DEUP1: variants seen among roughly 807,000 people sequenced by gnomAD.
The protein encoded by DEUP1 is coiled-coil domain containing 67.
In DEUP1, 82 loss-of-function variants were observed where a neutral mutation model predicts 87.4. The ratio of observed to expected loss-of-function variants is 0.94; its 90% CI spans 0.78 to 1.13. The LOEUF is 1.13. DEUP1 is among the 50% of genes most tolerant of loss of function. The pLI, the probability that DEUP1 is intolerant of heterozygous loss-of-function variation, is 0.00. For synonymous variants in DEUP1, 214 were observed against 222.7 expected, an observed-to-expected ratio of 0.96 and a Z score of 0.35; for missense variants, 663 against 681.5, an observed-to-expected ratio of 0.97 and a Z score of 0.30.
intron 13 of DEUP1, among the ~76,000 whole-genome samples, chr11:93,427,815 G>T (rs1019592018): frequency 7.1e-6 from 1 of 140,934 alleles, no homozygotes. Flanking sequence ...AGTCGGCGAA[G>T]GTCATGAACA....
At position 93,415,056 on chromosome 11, in the gene DEUP1, C is replaced by T. The variant is rs773934438; in HGVS notation, c.1580C>T (p.Thr527Ile). The change falls in exon 13 of 14, where the codon ACA becomes ATA. Residue 527 changes from threonine to isoleucine, a missense_variant. Transcript: ENST00000298050. Reference sequence around the variant, plus strand: ...ACAATGCCTCCCTTGCCACCTTCGACATTTCAAGCCAAAGAAATGACAAGT... The same window carrying T: ...ACAATGCCTCCCTTGCCACCTTCGATATTTCAAGCCAAAGAAATGACAAGT... The part of the protein sequence containing the change: ...RSTMPPLPPS[T>I]FQAKEMTSPL... 14 of 1,608,956 alleles carry T rather than the reference C, an allele frequency of 8.7e-6. No homozygotes were observed. Among genetic ancestry groups the T allele is most frequent in the Admixed American group, 3.4e-5 (2 of 59,242 alleles).
intron 7 of DEUP1, among the ~76,000 whole-genome samples, chr11:93,374,909 G>A (rs1352427074): frequency 6.6e-6 from 1 of 151,990 alleles, no homozygotes; most frequent in Non-Finnish European, 1.5e-5. Context: ...CCATCCATGA[G>A]CATGGGATGT....
In DEUP1 at chr11:93,416,633, T is replaced by C. The variant is rs916045795; in HGVS notation, c.1638+1519T>C. 8.6e-5 allele frequency among the ~76,000 whole-genome samples: 13 copies of C among 151,928 alleles called. No individual in the cohort carries two copies. The East Asian group carries it at 1.7e-3, about 20-fold the overall frequency. ...GAACTGGTACCATTCCTTCTGAAAC[T>C]ATTCCAATCAATAGAAAAAGAGGGA... On this transcript the variant is annotated intron_variant, in intron 13 of 13. Coordinates refer to ENST00000298050, the MANE Select transcript of DEUP1 (RefSeq NM_181645.4).
chr11:93,414,516 T>C (rs575711560), intron 12 of DEUP1, among the ~76,000 whole-genome samples: 1 of 151,632 alleles, frequency 6.6e-6, no homozygotes, highest in East Asian at 1.9e-4. Flanking sequence ...CAAAATAAAT[T>C]AATAAATAAA....
At chr11:93,391,599 T>A (rs1204578945) in intron 9 of DEUP1, among the ~76,000 whole-genome samples, 1 of 150,722 alleles carries the variant, frequency 6.6e-6, no homozygotes, top group Non-Finnish European at 1.5e-5. Context: ...TCCCAGCTAC[T>A]CGGGAGGCTG....
intron 13 of DEUP1, among the ~76,000 whole-genome samples, chr11:93,435,389 C>T (rs1948213269): frequency 6.6e-6 from 1 of 152,190 alleles, no homozygotes; most frequent in Admixed American, 6.5e-5. Context: ...TAGCCAAAGA[C>T]AAAGGCTGGA....
At chr11:93,331,962 A>G (rs1389830809) in intron 1 of DEUP1, among the ~76,000 whole-genome samples, 1 of 152,112 alleles carries the variant, frequency 6.6e-6, no homozygotes, top group East Asian at 1.9e-4. Context: ...AATCGCTAGA[A>G]CCTGGGAGGC....
chr11:93,407,787 A>G (rs1015711568), intron 11 of DEUP1, among the ~76,000 whole-genome samples: 2 of 151,970 alleles, frequency 1.3e-5, no homozygotes, highest in East Asian at 1.9e-4. Context: ...GGTATATCCT[A>G]TGAACACAAA....
At chr11:93,364,044 C>G (rs975916) in intron 4 of DEUP1, 116 bp from the exon 5 acceptor site, 337,151 of 723,282 alleles carry the variant, frequency 0.47, 81,213 homozygotes, top group Admixed American at 0.62. Context: ...TTAAGCTTTA[C>G]TGCACTTTCT....
At chr11:93,429,540 G>A (rs1948039097) in intron 13 of DEUP1, among the ~76,000 whole-genome samples, 1 of 152,148 alleles carries the variant, frequency 6.6e-6, no homozygotes, top group African/African-American at 2.4e-5. Flanking sequence ...TATCAGAGAT[G>A]CCTAAGCAAC....
chr11:93,418,780 C>T (rs1947748359), intron 13 of DEUP1, among the ~76,000 whole-genome samples: 1 of 151,976 alleles, frequency 6.6e-6, no homozygotes. Context: ...TTGGAACCAA[C>T]CCAAATGTCC....
chr11:93,385,853 A>G (rs1946518322), intron 8 of DEUP1, among the ~76,000 whole-genome samples: 1 of 151,996 alleles, frequency 6.6e-6, no homozygotes, highest in South Asian at 2.1e-4. Flanking sequence ...GGATTTCAAG[A>G]CAAGCCTTAG....
chr11:93,389,758 G>A (rs1017465887), intron 9 of DEUP1, among the ~76,000 whole-genome samples: 19 of 152,216 alleles, frequency 1.2e-4, no homozygotes, highest in African/African-American at 4.6e-4. Context: ...TCTGGCTCCA[G>A]TATCCATACT....
chr11:93,407,818 T>C (rs938039880), intron 11 of DEUP1, among the ~76,000 whole-genome samples: 2 of 151,814 alleles, frequency 1.3e-5, no homozygotes, highest in Non-Finnish European at 2.9e-5. Context: ...ATCTAGCTAA[T>C]TTGTTCTGTT....
intron 4 of DEUP1, among the ~76,000 whole-genome samples, chr11:93,358,456 C>T (rs935012327): frequency 3.3e-5 from 5 of 152,192 alleles, no homozygotes; most frequent in African/African-American, 1.2e-4. Context: ...GACTCCTCCC[C>T]TCCTGGAGAT....
At chr11:93,389,285 G>C (rs1946694870) in intron 9 of DEUP1, among the ~76,000 whole-genome samples, 160 bp downstream of exon 9, 1 of 152,098 alleles carries the variant, frequency 6.6e-6, no homozygotes, top group African/African-American at 2.4e-5. Context: ...ATTTTTCTGT[G>C]TGAGACTACA....
At chr11:93,416,897 T>C (rs2134454437) in intron 13 of DEUP1, among the ~76,000 whole-genome samples, 2 of 152,278 alleles carry the variant, frequency 1.3e-5, no homozygotes, top group East Asian at 3.9e-4. Context: ...ATAAATGTAA[T>C]CCAGCATACA....
intron 3 of DEUP1, among the ~76,000 whole-genome samples, chr11:93,355,829 A>G (rs868794118): frequency 3.4e-4 from 51 of 152,226 alleles, no homozygotes; most frequent in African/African-American, 1.1e-3. Context: ...TTGCAAGTAA[A>G]GATGTAAGTA....
rs1491160927 is a variant in DEUP1, at chr11:93,373,604, T to TA, written c.789+2324_789+2325insA. ...ATACATATATATATACGTATATATA[T>TA]TTATATATGTATATATATACGTATA... On this transcript the variant is annotated intron_variant, in intron 7 of 13. Coordinates refer to ENST00000298050, the MANE Select transcript of DEUP1 (RefSeq NM_181645.4). Among the ~76,000 whole-genome samples, 137 of 105,932 alleles carry TA rather than the reference T, an allele frequency of 1.3e-3. 1 individual carries two copies. Among genetic ancestry groups the TA allele is most frequent in the African/African-American group, 4.1e-3 (129 of 31,322 alleles). The allele number at this position is 105,932 out of a possible 152,430, so 69.5% of individuals were successfully genotyped here. A position where few individuals can be genotyped will look rare whatever the true frequency, so the allele number is the denominator to read the frequency against.
Sources: gnomAD v4.1 joint callset for allele counts (sites outside exome capture counted in the v4.1 genomes callset) on GRCh38, gnomAD v4.1.1 for gene constraint, MANE v1.5 for transcripts, NCBI Gene and HGNC (gene_info 2026-07-23, HGNC 2026-07-21) for gene names.